ADAM18: variants seen among roughly 807,000 people sequenced by gnomAD.
The protein encoded by ADAM18 is disintegrin and metalloproteinase domain-containing protein 18.
A neutral mutation model predicts 94.4 loss-of-function variants in ADAM18; 117 were observed. The ratio of observed to expected loss-of-function variants is 1.24; its 90% CI spans 1.07 to 1.45. The LOEUF (loss-of-function observed/expected upper bound fraction) is 1.45. Ranked by LOEUF, ADAM18 falls within the 40% of genes most tolerant of loss-of-function variation. ADAM18 has a pLI of 0.00. For missense variants in ADAM18, 936 were observed against 880.0 expected, an observed-to-expected ratio of 1.06 and a Z score of -0.81; for synonymous variants, 327 against 291.6, an observed-to-expected ratio of 1.12 and a Z score of -1.24.
At position 39,587,601 on chromosome 8, in the gene ADAM18, C is replaced by A. The variant is rs113833520; in HGVS notation, c.132+2249C>A. The stretch of plus-strand genomic sequence containing the variant: ...CTGGGATTACAGGTGCATGCCACCA[C>A]ACCTGGATAATTTTGTATTTTTTTA... On this transcript the variant is annotated intron_variant, in intron 2 of 19. Transcript: ENST00000265707. Among the ~76,000 whole-genome samples, 234 of 152,192 alleles carry A rather than the reference C, an allele frequency of 1.5e-3. 2 individuals are homozygous for A. The highest frequency in any genetic ancestry group is 5.5e-3 in the African/African-American group (229 of 41,516).
intron 2 of ADAM18, among the ~76,000 whole-genome samples, chr8:39,594,793 G>GTTTTTTTTTTTTTTTTTTTTTTTGTT (rs1818688796): frequency 2.1e-5 from 1 of 46,850 alleles, no homozygotes. Context: ...TTTGCTGTGA[G>GTTTTTTTTTTTTTTTTTTTTTTTGTT]TTTTTTTTTT....
chr8:39,620,375 C>CACAAAAAAAAAAAAAAAAAAAAAAAAACA (rs1819577992), intron 6 of ADAM18, among the ~76,000 whole-genome samples: 1 of 88,796 alleles, frequency 1.1e-5, no homozygotes, highest in African/African-American at 5.1e-5. Flanking sequence ...AAAAAAAAAA[C>CACAAAAAAAAAAAAAAAAAAAAAAAAACA]AAAAAAAAAT....
chr8:39,655,364 G>T (rs1820657224), intron 12 of ADAM18, among the ~76,000 whole-genome samples: 1 of 151,954 alleles, frequency 6.6e-6, no homozygotes, highest in Admixed American at 6.6e-5. Context: ...TTAACAAATT[G>T]AAAATAATGA....
intron 6 of ADAM18, among the ~76,000 whole-genome samples, chr8:39,620,647 T>G (rs1265428784): frequency 1.4e-5 from 2 of 147,370 alleles, no homozygotes; most frequent in East Asian, 3.9e-4. Context: ...TATTTATATA[T>G]TGTTATATAT....
chr8:39,723,980 A>G (rs979760137), intron 19 of ADAM18, 73 bp downstream of exon 19: 2 of 924,150 alleles, frequency 2.2e-6, no homozygotes, highest in African/African-American at 3.5e-5. Flanking sequence ...CATTTTATAT[A>G]ACATTTGTTA....
At chr8:39,662,515 T>C (rs1397219269) in intron 12 of ADAM18, among the ~76,000 whole-genome samples, 3 of 152,212 alleles carry the variant, frequency 2.0e-5, no homozygotes, top group Non-Finnish European at 4.4e-5. Flanking sequence ...TCTGAGTAAA[T>C]AAAATTGTTT....
chr8:39,620,631 A>G (rs926067434), intron 6 of ADAM18, among the ~76,000 whole-genome samples: 118 of 147,138 alleles, frequency 8.0e-4, no homozygotes, highest in African/African-American at 2.8e-3. Flanking sequence ...AAATATATAT[A>G]ACATATATTT....
intron 17 of ADAM18, among the ~76,000 whole-genome samples, chr8:39,696,970 T>C (rs1470870524): frequency 6.6e-6 from 1 of 151,650 alleles, no homozygotes; most frequent in African/African-American, 2.4e-5. Flanking sequence ...ATTGTCATCT[T>C]GACAATATTA....
chr8:39,687,260 G>T (rs909872741), intron 16 of ADAM18, among the ~76,000 whole-genome samples: 9 of 152,016 alleles, frequency 5.9e-5, no homozygotes, highest in Non-Finnish European at 1.3e-4. Flanking sequence ...ATACTTAAAT[G>T]GCCATGCATG....
chr8:39,707,889 C>G (rs1369898792), intron 18 of ADAM18, among the ~76,000 whole-genome samples: 1 of 152,048 alleles, frequency 6.6e-6, no homozygotes, highest in Non-Finnish European at 1.5e-5. Flanking sequence ...TTGGCATATA[C>G]AAATTGATGA....
chr8:39,592,149 C>T (rs1818586459), intron 2 of ADAM18, among the ~76,000 whole-genome samples: 1 of 152,114 alleles, frequency 6.6e-6, no homozygotes, highest in Non-Finnish European at 1.5e-5. Flanking sequence ...TTCTTAAGGG[C>T]CCTAGCATTG....
intron 2 of ADAM18, among the ~76,000 whole-genome samples, chr8:39,588,073 T>C (rs943398976): frequency 6.6e-6 from 1 of 152,200 alleles, no homozygotes; most frequent in Non-Finnish European, 1.5e-5. Flanking sequence ...TGCTGGATTA[T>C]ATGGTAGTTC....
rs149897489 is a variant in ADAM18, at chr8:39,629,400, C to T, written c.549C>T (p.Pro183=). The stretch of plus-strand genomic sequence containing the variant: ...TAAAAAATCTTTCAAAACTATTACC[C>T]CAATATCTGGAAATATACATTATAG... The part of the protein sequence containing the change: ...SQIKNLSKLL[P]QYLEIYIIVE... Residue 183 remains proline, a synonymous_variant, in exon 7 of 20, where the codon CCC becomes CCT. Transcript: ENST00000265707. 18 of 1,583,760 alleles carry T rather than the reference C, an allele frequency of 1.1e-5. No individual in the cohort carries two copies. The highest frequency in any genetic ancestry group is 2.3e-5 in the South Asian group (2 of 86,228).
intron 2 of ADAM18, among the ~76,000 whole-genome samples, chr8:39,587,843 G>T (rs548104540): frequency 1.3e-5 from 2 of 152,102 alleles, no homozygotes; most frequent in African/African-American, 2.4e-5. Flanking sequence ...TGTTCTGTGG[G>T]TTCATTCACG....
rs1308122214 is a variant in ADAM18, at chr8:39,696,074, T to A, written c.1902+3394T>A. On this transcript the variant is annotated intron_variant, in intron 17 of 19. Coordinates refer to ENST00000265707, the MANE Select transcript of ADAM18 (RefSeq NM_014237.3). Reference sequence around the variant, plus strand: ...CTGCCCAATATTTATTTTTATTTTTTAATAATAACCATCTTAATAGTTGCA... The same window carrying A: ...CTGCCCAATATTTATTTTTATTTTTAAATAATAACCATCTTAATAGTTGCA... Among the ~76,000 whole-genome samples, 3 of 151,450 alleles carry A rather than the reference T, an allele frequency of 2.0e-5. No individual in the cohort carries two copies. The East Asian group carries it at 5.8e-4, about 29-fold the overall frequency.
At chr8:39,725,806 A>G (rs1309626957) in intron 19 of ADAM18, among the ~76,000 whole-genome samples, 1 of 152,318 alleles carries the variant, frequency 6.6e-6, no homozygotes, top group East Asian at 1.9e-4. Flanking sequence ...CAATGCTACA[A>G]TGAACATGGA....
At chr8:39,682,606 T>C (rs1246228999) in intron 16 of ADAM18, among the ~76,000 whole-genome samples, 2 of 152,194 alleles carry the variant, frequency 1.3e-5, no homozygotes, top group Non-Finnish European at 2.9e-5. Flanking sequence ...TCAGAATTGC[T>C]ATGGACCAGT....
At chr8:39,662,186 A>G (rs1820859077) in intron 12 of ADAM18, among the ~76,000 whole-genome samples, 1 of 152,108 alleles carries the variant, frequency 6.6e-6, no homozygotes, top group Non-Finnish European at 1.5e-5. Flanking sequence ...GGTCATAATT[A>G]GTACTGCTAA....
chr8:39,654,754 A>G lies in ADAM18; in HGVS notation c.1230+6227A>G, dbSNP rs566678544. ...TAGCCATTCTAACTAGGATGAGATG[A>G]TATCTCATTGTGGGTTTGATTTGTA... is the stretch of plus-strand genomic sequence containing the variant. On this transcript the variant is annotated intron_variant, in intron 12 of 19. Coordinates refer to ENST00000265707, the MANE Select transcript of ADAM18 (RefSeq NM_014237.3). Among the ~76,000 whole-genome samples the G allele has an allele frequency of 2.0e-5, 3 of 152,242 alleles. No homozygotes were observed. In the East Asian group the frequency reaches 5.8e-4, roughly 29 times the overall value.
Sources: allele counts gnomAD v4.1 joint callset (sites outside exome capture counted in the v4.1 genomes callset), GRCh38; gene constraint gnomAD v4.1.1; transcripts MANE v1.5; gene names NCBI Gene and HGNC (gene_info 2026-07-23, HGNC 2026-07-21).